Variants in RAPGEF4 observed in about 807,000 individuals in gnomAD.
The protein encoded by RAPGEF4 is RAP guanine-nucleotide-exchange factor (GEF) 4.
A neutral mutation model predicts 147.9 loss-of-function variants in RAPGEF4; 66 were observed. That is an observed-to-expected ratio of 0.45 (90% confidence interval 0.37 to 0.55). RAPGEF4 has a LOEUF of 0.55. RAPGEF4 is among the 20% of genes least tolerant of loss of function. The pLI is 0.00. For missense variants in RAPGEF4, 1,071 were observed against 1,257.3 expected (o/e 0.85, Z 2.24); for synonymous variants, 419 against 442.7 (o/e 0.95, Z 0.67).
rs184975220 is a variant in RAPGEF4 at position 172,823,071 on chromosome 2, C to T, written c.444+8646C>T. On this transcript the variant is annotated intron_variant, in intron 4 of 30. Coordinates refer to ENST00000397081, the MANE Select transcript of RAPGEF4 (RefSeq NM_007023.4). ...AAAAAATACTCTAAGAAAGATCCAG[C>T]GTGCTAAAGGACAGGGGCAGAGCAA... Among the ~76,000 whole-genome samples the T allele has an allele frequency of 7.9e-5, 12 of 152,290 alleles. No homozygotes were observed. In the East Asian group the frequency reaches 1.7e-3, roughly 22 times the overall value.
chr2:173,027,013 A>C (rs928158682), intron 24 of RAPGEF4, 68 bp from the exon 25 acceptor site: 42 of 1,395,648 alleles, frequency 3.0e-5, no homozygotes, highest in Non-Finnish European at 4.1e-5. Flanking sequence ...TGTCTTGACA[A>C]ATAGAGAAAC....
At chr2:172,907,755 T>C (rs1229442426) in intron 4 of RAPGEF4, among the ~76,000 whole-genome samples, 1 of 152,166 alleles carries the variant, frequency 6.6e-6, no homozygotes, top group African/African-American at 2.4e-5. Flanking sequence ...GACTATCTGG[T>C]TGGAAAATAT....
chr2:172,984,075 C>T lies in RAPGEF4; in HGVS notation c.1089+495C>T, dbSNP rs550775988. Among the ~76,000 whole-genome samples, 6 of 152,242 alleles carry T rather than the reference C, an allele frequency of 3.9e-5. No individual in the cohort carries two copies. The South Asian group carries it at 1.2e-3, about 32-fold the overall frequency. On this transcript the variant is annotated intron_variant, in intron 11 of 30. Coordinates refer to ENST00000397081, the MANE Select transcript of RAPGEF4 (RefSeq NM_007023.4). ...AGATGTATTAGTGAAAATAACACCA[C>T]CCACTAATAAAAAATGACCCAGTGG...
intron 4 of RAPGEF4, among the ~76,000 whole-genome samples, chr2:172,886,534 C>T (rs939048222): frequency 2.6e-5 from 4 of 152,136 alleles, no homozygotes; most frequent in Non-Finnish European, 5.9e-5. Context: ...TCCATGAATG[C>T]ATTTCTTCCC....
intron 27 of RAPGEF4, 104 bp downstream of exon 27, chr2:173,034,068 T>A: frequency 9.1e-7 from 1 of 1,101,408 alleles, no homozygotes; most frequent in Non-Finnish European, 1.3e-6. Flanking sequence ...TGTCCTTATA[T>A]GACTTTAAGA....
intron 4 of RAPGEF4, among the ~76,000 whole-genome samples, chr2:172,885,755 A>G (rs553037636): frequency 1.3e-5 from 2 of 152,312 alleles, no homozygotes; most frequent in African/African-American, 4.8e-5. Context: ...TTATGGGAGA[A>G]CAATTCAAGA....
chr2:172,984,677 G>T (rs558918585), intron 11 of RAPGEF4, among the ~76,000 whole-genome samples: 117 of 152,322 alleles, frequency 7.7e-4, no homozygotes, highest in Non-Finnish European at 1.3e-3. Context: ...ATACAGGGCA[G>T]AAAGCTGAGG....
chr2:172,890,217 C>T (rs1000814558), intron 4 of RAPGEF4, among the ~76,000 whole-genome samples: 3 of 152,180 alleles, frequency 2.0e-5, no homozygotes, highest in African/African-American at 7.2e-5. Context: ...TGTAGTGGCT[C>T]TATTTAAGGA....
At chr2:172,806,219 A>G (rs1687486534) in intron 3 of RAPGEF4, among the ~76,000 whole-genome samples, 1 of 152,204 alleles carries the variant, frequency 6.6e-6, no homozygotes, top group Non-Finnish European at 1.5e-5. Flanking sequence ...AGGCTTTTCC[A>G]GTCATAGGAA....
At chr2:172,783,559 A>G (rs1433359790) in intron 1 of RAPGEF4, among the ~76,000 whole-genome samples, 1 of 152,052 alleles carries the variant, frequency 6.6e-6, no homozygotes, top group Non-Finnish European at 1.5e-5. Flanking sequence ...AAAAACTGCA[A>G]TGGTCCCTGG....
chr2:172,837,541 G>A (rs1691094413), intron 4 of RAPGEF4, among the ~76,000 whole-genome samples: 1 of 152,116 alleles, frequency 6.6e-6, no homozygotes, highest in African/African-American at 2.4e-5. Flanking sequence ...ACAAATAAAT[G>A]CAGTTTCAAC....
At chr2:172,871,324 A>G (rs1695216546) in intron 4 of RAPGEF4, among the ~76,000 whole-genome samples, 1 of 152,090 alleles carries the variant, frequency 6.6e-6, no homozygotes, top group South Asian at 2.1e-4. Context: ...GAGTGTTTTG[A>G]TTGGTATCGG....
chr2:172,857,174 G>GCA (rs34315927), intron 4 of RAPGEF4, among the ~76,000 whole-genome samples: 6,426 of 150,092 alleles, frequency 0.043, 151 homozygotes, highest in African/African-American at 0.07. Flanking sequence ...GTGTGCGCGC[G>GCA]CACACACACA....
At chr2:173,038,215 A>G (rs1684297975) in intron 29 of RAPGEF4, among the ~76,000 whole-genome samples, 1 of 152,234 alleles carries the variant, frequency 6.6e-6, no homozygotes, top group Non-Finnish European at 1.5e-5. Context: ...TGATCAAAGT[A>G]GACAACATTC....
intron 3 of RAPGEF4, among the ~76,000 whole-genome samples, chr2:172,804,898 G>C (rs150311753): frequency 1.3e-5 from 2 of 152,164 alleles, no homozygotes; most frequent in African/African-American, 4.8e-5. Context: ...AAAAGCTATC[G>C]GGCTGCAGGA....
intron 1 of RAPGEF4, among the ~76,000 whole-genome samples, chr2:172,780,505 A>G (rs1251331868): frequency 6.6e-6 from 1 of 152,152 alleles, no homozygotes; most frequent in Non-Finnish European, 1.5e-5. Context: ...TGTTCTTTCT[A>G]TTAGAGAGGG....
chr2:172,847,376 G>C (rs1692314792), intron 4 of RAPGEF4, among the ~76,000 whole-genome samples: 1 of 152,186 alleles, frequency 6.6e-6, no homozygotes, highest in African/African-American at 2.4e-5. Context: ...ACTGTACCCA[G>C]ATGCCAGAGA....
At chr2:172,767,555 A>C (rs1324589148) in intron 1 of RAPGEF4, among the ~76,000 whole-genome samples, 1 of 152,266 alleles carries the variant, frequency 6.6e-6, no homozygotes, top group African/African-American at 2.4e-5. Context: ...GATTGTGCTG[A>C]GATTGAACAT....
At chr2:172,736,825 C>T (rs1574637632) in intron 1 of RAPGEF4, among the ~76,000 whole-genome samples, 4 of 152,104 alleles carry the variant, frequency 2.6e-5, no homozygotes, top group Admixed American at 2.6e-4. Context: ...AGCTTATTAC[C>T]CTGATTAAAA....
Sources: allele counts gnomAD v4.1 joint callset (sites outside exome capture counted in the v4.1 genomes callset), GRCh38; gene constraint gnomAD v4.1.1; transcripts MANE v1.5; gene names NCBI Gene and HGNC (gene_info 2026-07-23, HGNC 2026-07-21).